Variants in AKT3 observed in about 807,000 individuals in gnomAD.
AKT3 encodes AKT serine/threonine kinase 3.
In AKT3, 15 loss-of-function variants were observed where a neutral mutation model predicts 65.3. The ratio of observed to expected loss-of-function variants is 0.23; its 90% CI spans 0.15 to 0.35. The LOEUF is 0.35. Ranked by LOEUF, AKT3 falls within the 10% of genes least tolerant of loss-of-function variation. The probability of loss-of-function intolerance (pLI) is 1.00; values close to 1 mark genes in which losing one functional copy is unlikely to be tolerated. For missense variants in AKT3, 243 were observed against 576.5 expected, an observed-to-expected ratio of 0.42 and a Z score of 5.92; for synonymous variants, 206 against 183.8, an observed-to-expected ratio of 1.12 and a Z score of -0.98.
At chr1:243,849,308 C>A (rs1252621879) in intron 1 of AKT3, among the ~76,000 whole-genome samples, 1 of 152,152 alleles carries the variant, frequency 6.6e-6, no homozygotes, top group African/African-American at 2.4e-5. Context: ...CTATTCTTAG[C>A]ACACAACTCC....
chr1:243,694,455 A>G (rs1014470836), intron 3 of AKT3, among the ~76,000 whole-genome samples: 1 of 151,812 alleles, frequency 6.6e-6, no homozygotes, highest in African/African-American at 2.4e-5. Context: ...TTCCTTAACT[A>G]ACACACACAC....
intron 2 of AKT3, among the ~76,000 whole-genome samples, chr1:243,828,490 G>C (rs1694309961): frequency 6.6e-6 from 1 of 152,090 alleles, no homozygotes; most frequent in Non-Finnish European, 1.5e-5. Flanking sequence ...CTTGTACCTG[G>C]ATTTGCTTCT....
chr1:243,716,123 T>C (rs1686499154), intron 2 of AKT3, among the ~76,000 whole-genome samples: 1 of 152,132 alleles, frequency 6.6e-6, no homozygotes, highest in Admixed American at 6.5e-5. Context: ...TTGCCAAGAA[T>C]ACATGATTTT....
chr1:243,832,142 A>T (rs1218103000), intron 2 of AKT3, among the ~76,000 whole-genome samples: 3 of 132,524 alleles, frequency 2.3e-5, no homozygotes, highest in African/African-American at 1.1e-4. Context: ...AAAAAAAAAA[A>T]AAAAAAAAAA....
intron 8 of AKT3, among the ~76,000 whole-genome samples, chr1:243,583,131 T>G (rs1348454833): frequency 6.8e-6 from 1 of 146,958 alleles, no homozygotes; most frequent in Non-Finnish European, 1.5e-5. Flanking sequence ...TGTATATATA[T>G]TCCATATATA....
intron 2 of AKT3, among the ~76,000 whole-genome samples, chr1:243,791,183 A>G (rs1302102221): frequency 6.6e-6 from 1 of 152,228 alleles, no homozygotes; most frequent in Non-Finnish European, 1.5e-5. Flanking sequence ...AGATTATTTA[A>G]AACACCTAAT....
chr1:243,805,617 C>T (rs2148380200), intron 2 of AKT3, among the ~76,000 whole-genome samples: 1 of 152,274 alleles, frequency 6.6e-6, no homozygotes, highest in South Asian at 2.1e-4. Flanking sequence ...ATTGTCAAAT[C>T]CAATGGCCCC....
At chr1:243,719,612 G>GT (rs200349899) in intron 2 of AKT3, among the ~76,000 whole-genome samples, 3,064 of 152,258 alleles carry the variant, frequency 0.02, 36 homozygotes, top group Admixed American at 0.037. Flanking sequence ...TGAAAGTTTT[G>GT]TTTCTGGCTC....
At chr1:243,644,757 T>C (rs1572089781) in intron 5 of AKT3, among the ~76,000 whole-genome samples, 1 of 152,322 alleles carries the variant, frequency 6.6e-6, no homozygotes, top group South Asian at 2.1e-4. Context: ...ATTTACACTA[T>C]TCTTCATTTC....
chr1:243,782,121 C>G (rs927095262), intron 2 of AKT3, among the ~76,000 whole-genome samples: 1 of 152,132 alleles, frequency 6.6e-6, no homozygotes, highest in Non-Finnish European at 1.5e-5. Context: ...TACACCCAGC[C>G]AACTAGTCTC....
At chr1:243,702,612 C>T (rs577287428) in intron 2 of AKT3, among the ~76,000 whole-genome samples, 23 of 152,152 alleles carry the variant, frequency 1.5e-4, no homozygotes, top group Non-Finnish European at 3.1e-4. Context: ...ACAAACCACA[C>T]ATTAAATGTT....
chr1:243,556,230 G>A (rs1673397492), intron 10 of AKT3, among the ~76,000 whole-genome samples: 1 of 152,046 alleles, frequency 6.6e-6, no homozygotes, highest in Admixed American at 6.6e-5. Flanking sequence ...ATTTGATGAA[G>A]ACACTTACAT....
chr1:243,805,741 T>C (rs1246498772), intron 2 of AKT3, among the ~76,000 whole-genome samples: 3 of 152,220 alleles, frequency 2.0e-5, no homozygotes, highest in Non-Finnish European at 2.9e-5. Flanking sequence ...TCTCTTGCTG[T>C]TGGACTTCTC....
At chr1:243,583,516 C>G (rs1178427675) in intron 8 of AKT3, among the ~76,000 whole-genome samples, 3 of 130,242 alleles carry the variant, frequency 2.3e-5, no homozygotes, top group Non-Finnish European at 4.7e-5. Flanking sequence ...AGACTGACCA[C>G]ATGCTCGTCC....
chr1:243,805,637 AT>A (rs1227502579), intron 2 of AKT3, among the ~76,000 whole-genome samples: 21 of 151,898 alleles, frequency 1.4e-4, no homozygotes, highest in Admixed American at 2.6e-4. Context: ...CTTTAATTTC[AT>A]TTCCTCATGC....
chr1:243,603,344 G>A (rs918773138), intron 8 of AKT3, among the ~76,000 whole-genome samples: 1 of 152,106 alleles, frequency 6.6e-6, no homozygotes, highest in African/African-American at 2.4e-5. Flanking sequence ...CAAATCCAAT[G>A]GACAATTCTC....
chr1:243,664,788 C>T lies in AKT3; in HGVS notation c.268G>A (p.Asp90Asn). The part of the protein sequence containing the change: ...TTVIERTFHV[D>N]TPEEREEWTE... ...ATTTCTTACCTTTCCTCTGGAGTATCTACATGAAATGTTCTCTCTATAACA... is the reference window on the plus strand; with the variant it reads ...ATTTCTTACCTTTCCTCTGGAGTATTTACATGAAATGTTCTCTCTATAACA... The change falls in exon 4 of 14, where the codon GAT (aspartate) becomes AAT (asparagine). Residue 90 changes from aspartate (D) to asparagine (N), a missense_variant. Physicochemically the swap from Asp to Asn is conservative, Grantham distance 23 (BLOSUM62 1). Coordinates refer to ENST00000673466, the MANE Select transcript of AKT3 (RefSeq NM_005465.7). 1 of 1,527,950 alleles carries T rather than the reference C, an allele frequency of 6.5e-7. No individual in the cohort carries two copies. The highest frequency in any genetic ancestry group is 8.8e-7 in the Non-Finnish European group (1 of 1,139,526). 94.6% of individuals were successfully genotyped at this position (1,527,950 alleles called of 1,614,324 possible).
At chr1:243,586,278 C>T (rs1675794139) in intron 8 of AKT3, among the ~76,000 whole-genome samples, 1 of 152,090 alleles carries the variant, frequency 6.6e-6, no homozygotes, top group South Asian at 2.1e-4. Context: ...AAAGGGGATG[C>T]TTGTAACACT....
chr1:243,569,916 G>C (rs1418411722), intron 9 of AKT3, among the ~76,000 whole-genome samples: 1 of 152,206 alleles, frequency 6.6e-6, no homozygotes, highest in Non-Finnish European at 1.5e-5. Flanking sequence ...GACTACTGAA[G>C]AAGTCTTTGA....
Sources: allele counts gnomAD v4.1 joint callset (sites outside exome capture counted in the v4.1 genomes callset), GRCh38; gene constraint gnomAD v4.1.1; transcripts MANE v1.5; gene names NCBI Gene and HGNC (gene_info 2026-07-23, HGNC 2026-07-21).